Variants in DOCK1 observed in about 807,000 individuals in gnomAD.
The protein encoded by DOCK1 is dedicator of cytokinesis 1, also known as dedicator of cytokinesis protein 1.
A neutral mutation model predicts 262.7 loss-of-function variants in DOCK1; 138 were observed. The observed-to-expected ratio is 0.53, with a 90% CI of 0.46 to 0.61. The LOEUF is 0.61. Ranked by LOEUF, DOCK1 falls within the 20% of genes least tolerant of loss-of-function variation. The probability of loss-of-function intolerance (pLI) is 0.00; values close to 1 mark genes in which losing one functional copy is unlikely to be tolerated. For missense variants in DOCK1, 1,908 were observed against 2,370.7 expected, an observed-to-expected ratio of 0.80 and a Z score of 4.05; for synonymous variants, 866 against 867.4, an observed-to-expected ratio of 1.00 and a Z score of 0.03.
At chr10:127,432,132 C>A (rs906913234) in intron 47 of DOCK1, among the ~76,000 whole-genome samples, 4 of 152,136 alleles carry the variant, frequency 2.6e-5, no homozygotes, top group African/African-American at 9.7e-5. Flanking sequence ...AATTGTATTC[C>A]ACGATACCGG....
intron 27 of DOCK1, among the ~76,000 whole-genome samples, chr10:127,222,297 C>T (rs1189022695): frequency 2.6e-5 from 4 of 152,162 alleles, no homozygotes; most frequent in Non-Finnish European, 5.9e-5. Flanking sequence ...TGTAATTAGC[C>T]TACTAAATCA....
intron 29 of DOCK1, among the ~76,000 whole-genome samples, chr10:127,270,278 G>A (rs770114359): frequency 5.3e-5 from 8 of 152,160 alleles, no homozygotes; most frequent in African/African-American, 7.2e-5. Flanking sequence ...ATCACTGCTC[G>A]ATGCACTTCC....
At chr10:127,376,128 T>C (rs2065474278) in intron 35 of DOCK1, among the ~76,000 whole-genome samples, 2 of 151,782 alleles carry the variant, frequency 1.3e-5, no homozygotes, top group South Asian at 4.1e-4. Flanking sequence ...TTTGAAATCA[T>C]CAGACCTGCA....
chr10:127,408,583 C>T (rs1319942746), intron 40 of DOCK1, among the ~76,000 whole-genome samples: 2 of 152,182 alleles, frequency 1.3e-5, no homozygotes, highest in South Asian at 2.1e-4. Flanking sequence ...CTCTTAAATT[C>T]CTTATGGCAG....
Position 127,447,554 on chromosome 10 carries a change from G to A in DOCK1, c.5565+9G>A, listed in dbSNP as rs747449120. 3.7e-6 allele frequency: 6 copies of A among 1,612,938 alleles called. No individual in the cohort carries two copies. The South Asian group carries it at 6.6e-5, about 18-fold the overall frequency. ...CCCCTCCACACCAGAGGGTAAGTCG[G>A]CAATCTGAAACACAGGCTTTCATTG... On this transcript the variant is annotated intron_variant, in intron 51 of 51. Coordinates refer to ENST00000623213, the MANE Select transcript of DOCK1 (RefSeq NM_001290223.2).
At chr10:126,948,821 A>G (rs1162392569) in intron 1 of DOCK1, among the ~76,000 whole-genome samples, 3 of 151,892 alleles carry the variant, frequency 2.0e-5, no homozygotes, top group Non-Finnish European at 2.9e-5. Context: ...CTCTCCCTCA[A>G]AGGGAACCTT....
chr10:126,972,435 G>A (rs1591492882), intron 2 of DOCK1, among the ~76,000 whole-genome samples: 3 of 152,136 alleles, frequency 2.0e-5, no homozygotes, highest in South Asian at 4.1e-4. Context: ...TGGTGAGATT[G>A]TGTTTTCTTA....
At chr10:127,216,325 A>G (rs941761212) in intron 27 of DOCK1, among the ~76,000 whole-genome samples, 7 of 141,216 alleles carry the variant, frequency 5.0e-5, no homozygotes, top group African/African-American at 1.6e-4. Flanking sequence ...AAAAAAAAAA[A>G]GAAAAAGAAC....
At chr10:126,988,041 A>G (rs1375341209) in intron 5 of DOCK1, 1 of 137,358 alleles carries the variant, frequency 7.3e-6, no homozygotes, top group Non-Finnish European at 1.5e-5. Context: ...GACAGTAGGT[A>G]ATACCTCTTA....
intron 27 of DOCK1, among the ~76,000 whole-genome samples, chr10:127,147,890 G>T (rs562208468): frequency 1.1e-4 from 17 of 151,760 alleles, no homozygotes; most frequent in Non-Finnish European, 2.2e-4. Context: ...AATTAGCCAG[G>T]ATTGGCGGTG....
intron 49 of DOCK1, 109 bp from the exon 50 acceptor site, chr10:127,444,017 T>A (rs2070362832): frequency 2.1e-6 from 3 of 1,399,150 alleles, no homozygotes; most frequent in Non-Finnish European, 2.9e-6. Flanking sequence ...CCAGTTAAGG[T>A]CATATTCTAA....
intron 1 of DOCK1, among the ~76,000 whole-genome samples, chr10:126,948,664 A>C (rs2035852312): frequency 6.6e-6 from 1 of 151,960 alleles, no homozygotes; most frequent in African/African-American, 2.4e-5. Flanking sequence ...ATGCTGAGCC[A>C]GAGGCACTGC....
intron 29 of DOCK1, among the ~76,000 whole-genome samples, chr10:127,307,803 T>A (rs1230615974): frequency 6.6e-6 from 1 of 152,258 alleles, no homozygotes; most frequent in Non-Finnish European, 1.5e-5. Context: ...CCTTGGTCTC[T>A]TGCCACCTAC....
At chr10:127,209,164 C>G (rs549909227) in intron 27 of DOCK1, among the ~76,000 whole-genome samples, 1 of 112,600 alleles carries the variant, frequency 8.9e-6, no homozygotes, top group Non-Finnish European at 1.8e-5. Flanking sequence ...CCATCCACAA[C>G]AAGTGGCAGC....
At chr10:126,966,287 T>G (rs1025655677) in intron 1 of DOCK1, among the ~76,000 whole-genome samples, 3 of 152,236 alleles carry the variant, frequency 2.0e-5, no homozygotes, top group Non-Finnish European at 4.4e-5. Context: ...TATGTTGATT[T>G]TCTTTATTCA....
chr10:127,240,676 T>C (rs541381114), intron 27 of DOCK1, among the ~76,000 whole-genome samples: 1 of 152,234 alleles, frequency 6.6e-6, no homozygotes, highest in Non-Finnish European at 1.5e-5. Context: ...GTTCTTTCTA[T>C]ATTTTTAATT....
chr10:127,302,741 G>GTGT (rs1554944046), intron 29 of DOCK1, among the ~76,000 whole-genome samples: 3,355 of 108,084 alleles, frequency 0.031, 60 homozygotes, highest in Middle Eastern at 0.036. Context: ...GAAAAGAGGG[G>GTGT]GTGTGTGTGT....
rs139377420 is a variant in DOCK1, at chr10:127,327,168, C to T, written c.3045-11838C>T. Among the ~76,000 whole-genome samples, 247 of 152,318 alleles carry T rather than the reference C, an allele frequency of 1.6e-3. 2 individuals are homozygous for T. Among genetic ancestry groups the T allele is most frequent in the African/African-American group, 5.5e-3 (229 of 41,568 alleles). On this transcript the variant is annotated intron_variant, in intron 29 of 51. Transcript: ENST00000623213. ...TAAAGTCGCCAGCTGCCTTAGCCCC[C>T]GGCTATAGAGTCAGCCTGTCCTTTG...
At chr10:127,264,792 C>T (rs1266398449) in intron 29 of DOCK1, among the ~76,000 whole-genome samples, 1 of 152,150 alleles carries the variant, frequency 6.6e-6, no homozygotes, top group Non-Finnish European at 1.5e-5. Flanking sequence ...TCCCAGGTAG[C>T]TGGGACTACC....
Sources: gnomAD v4.1 joint callset for allele counts (sites outside exome capture counted in the v4.1 genomes callset) on GRCh38, gnomAD v4.1.1 for gene constraint, MANE v1.5 for transcripts, NCBI Gene and HGNC (gene_info 2026-07-23, HGNC 2026-07-21) for gene names.